MGST1: variants seen among roughly 807,000 people sequenced by gnomAD.
The protein encoded by MGST1 is microsomal glutathione S-transferase 1.
MGST1 carries 5 observed loss-of-function variants against 8.9 expected under a neutral mutation model. That is an observed-to-expected ratio of 0.56 (90% CI 0.29 to 1.19). MGST1 has a LOEUF of 1.19. MGST1 is among the 50% of genes most tolerant of loss of function. The probability of loss-of-function intolerance (pLI) is 0.08; values close to 1 mark genes in which losing one functional copy is unlikely to be tolerated. For missense variants in MGST1, 182 were observed against 187.4 expected (o/e 0.97, Z 0.17); for synonymous variants, 54 against 67.8 (o/e 0.80, Z 1.00).
At chr12:16,370,621 A>G (rs1940274412) in intron 3 of MGST1, among the ~76,000 whole-genome samples, 1 of 152,170 alleles carries the variant, frequency 6.6e-6, no homozygotes, top group African/African-American at 2.4e-5. Flanking sequence ...TTTGTAACTC[A>G]TCTTTCATGA....
intron 1 of MGST1, among the ~76,000 whole-genome samples, chr12:16,429,037 T>A (rs1454098825): frequency 6.6e-6 from 1 of 152,112 alleles, no homozygotes; most frequent in Non-Finnish European, 1.5e-5. Context: ...TTCCCTGCCC[T>A]TTTTTCTCTT....
rs2137602269 is a variant in MGST1, at chr12:16,589,048, A to C, written n.483-480A>C. Among the ~76,000 whole-genome samples the C allele has an allele frequency of 1.3e-5, 2 of 152,206 alleles. No homozygotes were observed. Among genetic ancestry groups the C allele is most frequent in the South Asian group, 4.1e-4 (2 of 4,824 alleles). On this transcript the variant is annotated intron_variant and non_coding_transcript_variant, in intron 4 of 4. Transcript: ENST00000538857. The surrounding 1 kb of genome is among the most constrained non-coding windows in gnomAD (Gnocchi z 4.2). ...TTGAGTAAGTTGCCTAGGAATGTGA[A>C]GCTGGGGTGTAGCAGAAGGGGGTCG...
At chr12:16,522,166 A>C (rs768741716) in intron 4 of MGST1, among the ~76,000 whole-genome samples, 1 of 151,746 alleles carries the variant, frequency 6.6e-6, no homozygotes, top group Non-Finnish European at 1.5e-5. Context: ...CTATTCCTCC[A>C]CTCTTCATCA....
Position 16,401,215 on chromosome 12 carries a change from A to C in MGST1, n.778+17611A>C, listed in dbSNP as rs1940652886. On this transcript the variant is annotated intron_variant and non_coding_transcript_variant, in intron 1 of 1. Coordinates refer to the MGST1 transcript ENST00000359720. This position sits in a 1 kb window ranked among gnomAD's most constrained non-coding sequence, Gnocchi z 4.3. ...CTCATCCATAAGCACTGTGTCACTAAGGAACAGGGCATAGGTTTTCTCTTC... is the reference window on the plus strand; with the variant it reads ...CTCATCCATAAGCACTGTGTCACTACGGAACAGGGCATAGGTTTTCTCTTC... The C allele has an allele frequency of 6.4e-7, 1 of 1,566,630 alleles. No individual in the cohort carries two copies. Among genetic ancestry groups the C allele is most frequent in the African/African-American group, 1.4e-5 (1 of 73,910 alleles).
intron 4 of MGST1, among the ~76,000 whole-genome samples, chr12:16,474,389 T>G (rs1192216099): frequency 1.3e-5 from 2 of 152,336 alleles, no homozygotes; most frequent in African/African-American, 2.4e-5. Context: ...ATTCTGATAC[T>G]TCTAAAAAAT....
chr12:16,419,000 A>G (rs1940809723), intron 1 of MGST1, among the ~76,000 whole-genome samples: 1 of 152,118 alleles, frequency 6.6e-6, no homozygotes, highest in Admixed American at 6.6e-5. Flanking sequence ...ATTGATGTCC[A>G]GGCTCATGTG....
At chr12:16,414,797 C>T (rs112675538) in intron 1 of MGST1, among the ~76,000 whole-genome samples, 3,796 of 152,172 alleles carry the variant, frequency 0.025, 155 homozygotes, top group African/African-American at 0.086. Context: ...GCGAGGCTGG[C>T]AGATCACTTG....
chr12:16,398,982 G>A lies in MGST1; in HGVS notation n.778+15378G>A, dbSNP rs550323840. 1.6e-4 allele frequency among the ~76,000 whole-genome samples: 25 copies of A among 152,158 alleles called. No individual in the cohort carries two copies. In the South Asian group the frequency reaches 1.7e-3, roughly 10 times the overall value. ...GATGTCAGAAGCCATCGATGTCCTG[G>A]CACAAGGTGACAGGAAGAAAGAAGA... On this transcript the variant is annotated intron_variant and non_coding_transcript_variant, in intron 1 of 1. Transcript: ENST00000359720.
intron 4 of MGST1, among the ~76,000 whole-genome samples, chr12:16,524,843 T>C (rs1941672038): frequency 6.6e-6 from 1 of 152,044 alleles, no homozygotes; most frequent in Non-Finnish European, 1.5e-5. Context: ...TTGAAATAAA[T>C]AGCTAGGATA....
chr12:16,439,230 G>A (rs576244033), downstream of MGST1, among the ~76,000 whole-genome samples: 3 of 151,852 alleles, frequency 2.0e-5, no homozygotes, highest in Non-Finnish European at 4.4e-5. Flanking sequence ...AGTATGACAT[G>A]GGCAACATTA....
intron 3 of MGST1, among the ~76,000 whole-genome samples, chr12:16,374,681 G>T (rs1339073829): frequency 2.6e-5 from 4 of 151,988 alleles, no homozygotes; most frequent in Non-Finnish European, 2.9e-5. Context: ...AATAGCAAGC[G>T]AATGCAAATA....
intron 1 of MGST1, among the ~76,000 whole-genome samples, chr12:16,418,405 A>C (rs930458222): frequency 6.6e-6 from 1 of 152,158 alleles, no homozygotes; most frequent in Non-Finnish European, 1.5e-5. Context: ...GGGAAGATGG[A>C]AGTTGGGAAT....
chr12:16,357,419 C>A, intron 2 of MGST1, 186 bp from the exon 3 acceptor site: 1 of 531,640 alleles, frequency 1.9e-6, no homozygotes, highest in Admixed American at 3.5e-5. Context: ...ATGTGGCCCA[C>A]TACCATGCAA....
Position 16,364,405 on chromosome 12 carries a change from G to A in MGST1, c.*364G>A, listed in dbSNP as rs1940145230. 2.0e-6 allele frequency: 2 copies of A among 986,510 alleles called. No homozygotes were observed. Among genetic ancestry groups the A allele is most frequent in the Non-Finnish European group, 2.4e-6 (2 of 828,864 alleles). The allele number at this position is 986,510 out of a possible 1,614,324, so 61.1% of individuals were successfully genotyped here. A position where few individuals can be genotyped will look rare whatever the true frequency, so the allele number is the denominator to read the frequency against. ...ACAGACATGAAATAAAGAATTTAAA[G>A]AATGATTTTGTTTGGTTTTATTTTT... On this transcript the variant is annotated 3_prime_UTR_variant, in exon 4 of 4. Coordinates refer to ENST00000396210, the MANE Select transcript of MGST1 (RefSeq NM_020300.5). This position sits in a 1 kb window ranked among gnomAD's most constrained non-coding sequence, Gnocchi z 5.7.
chr12:16,450,445 C>G (rs1459506849), intron 4 of MGST1, among the ~76,000 whole-genome samples: 1 of 151,884 alleles, frequency 6.6e-6, no homozygotes, highest in East Asian at 1.9e-4. Flanking sequence ...TTCTTGATGA[C>G]TGAAACAAAG....
chr12:16,441,387 G>GT (rs1330652094), downstream of MGST1, among the ~76,000 whole-genome samples: 1 of 151,822 alleles, frequency 6.6e-6, no homozygotes, highest in Non-Finnish European at 1.5e-5. Context: ...TCTTGATGGT[G>GT]TATAGTCCAT....
At chr12:16,564,958 A>T (rs566470064) in intron 4 of MGST1, among the ~76,000 whole-genome samples, 81 of 150,024 alleles carry the variant, frequency 5.4e-4, no homozygotes, top group East Asian at 4.7e-3. Flanking sequence ...GCTAATTTTT[A>T]AAAAAAAAAT....
At chr12:16,551,237 T>C in intron 4 of MGST1, 1 of 1,606,578 alleles carries the variant, frequency 6.2e-7, no homozygotes, top group Non-Finnish European at 8.5e-7. Flanking sequence ...GAACCTGGGG[T>C]GCATAACCTT....
At chr12:16,433,929 A>C (rs994467195) in intron 1 of MGST1, among the ~76,000 whole-genome samples, 1 of 152,058 alleles carries the variant, frequency 6.6e-6, no homozygotes, top group African/African-American at 2.4e-5. Flanking sequence ...TCTTATCAGA[A>C]TATTCCTATT....
Sources: allele counts gnomAD v4.1 joint callset (sites outside exome capture counted in the v4.1 genomes callset), GRCh38; gene constraint gnomAD v4.1.1; non-coding constraint Gnocchi (gnomAD v3.1); transcripts MANE v1.5; gene names NCBI Gene and HGNC (gene_info 2026-07-23, HGNC 2026-07-21).